The following CSTF1 variants were observed in gnomAD, a reference collection of about 807,000 sequenced individuals.
CSTF1 encodes CF-1 50 kDa subunit.
A neutral mutation model predicts 40.9 loss-of-function variants in CSTF1; 2 were observed. That is an observed-to-expected ratio of 0.05 (90% CI 0.02 to 0.15). CSTF1 has a LOEUF of 0.15. Ranked by LOEUF, CSTF1 falls within the 10% of genes least tolerant of loss-of-function variation. The probability of loss-of-function intolerance (pLI) is 1.00; values close to 1 mark genes in which losing one functional copy is unlikely to be tolerated. For missense variants in CSTF1, 279 were observed against 558.9 expected (o/e 0.50, Z 5.05); for synonymous variants, 218 against 207.2 (o/e 1.05, Z -0.45).
intron 5 of CSTF1, among the ~76,000 whole-genome samples, chr20:56,400,922 C>G (rs1422134328): frequency 2.0e-5 from 3 of 152,016 alleles, no homozygotes; most frequent in Non-Finnish European, 4.4e-5. Flanking sequence ...GCCTGTAGTC[C>G]CAGCTACTTG....
rs1978692967 is a variant in CSTF1, at chr20:56,406,090, A to G, written c.*2363A>G. On this transcript the variant is annotated 3_prime_UTR_variant, in exon 6 of 6. Transcript: ENST00000217109. ...AGATACTTTTATGTGTTTCAGAAGTAGCTGTTTTTTCATTTTTTGTGGGTT... is the reference window on the plus strand; with the variant it reads ...AGATACTTTTATGTGTTTCAGAAGTGGCTGTTTTTTCATTTTTTGTGGGTT... 6.7e-6 allele frequency: 1 copy of G among 149,936 alleles called. No individual in the cohort carries two copies. The highest frequency in any genetic ancestry group is 2.1e-4 in the South Asian group (1 of 4,796). 9.3% of individuals were successfully genotyped at this position (149,936 alleles called of 1,614,324 possible).
At position 56,405,351 on chromosome 20, in the gene CSTF1, C is replaced by T. The variant is rs531232463; in HGVS notation, c.*1624C>T. The T allele has an allele frequency of 2.0e-5, 3 of 152,298 alleles. No individual in the cohort carries two copies. Among genetic ancestry groups the T allele is most frequent in the South Asian group, 2.1e-4 (1 of 4,826 alleles). The allele number at this position is 152,298 out of a possible 1,614,324, so 9.4% of individuals were successfully genotyped here. A position where few individuals can be genotyped will look rare whatever the true frequency, so the allele number is the denominator to read the frequency against. ...GCTCCCGAGTAACTAGGATTACAGG[C>T]GTGCGCCACCATGCCCGGCTAATTT... On this transcript the variant is annotated 3_prime_UTR_variant, in exon 6 of 6. Transcript: ENST00000217109.
chr20:56,399,804 C>G lies in CSTF1; in HGVS notation c.1036+447C>G, dbSNP rs149623601. Among the ~76,000 whole-genome samples the G allele has an allele frequency of 6.6e-6, 1 of 152,186 alleles. No individual in the cohort carries two copies. The highest frequency in any genetic ancestry group is 1.9e-4 in the East Asian group (1 of 5,200). On this transcript the variant is annotated intron_variant, in intron 5 of 5. Transcript: ENST00000217109. The surrounding 1 kb of genome is among the most constrained non-coding windows in gnomAD (Gnocchi z 4.6). ...GAGCAGACCTAGCCCGCAAAGGAAA[C>G]CACGTTAATTCTGAATGCAGATATA...
At chr20:56,401,372 G>C (rs568467760) in intron 5 of CSTF1, among the ~76,000 whole-genome samples, 1 of 152,220 alleles carries the variant, frequency 6.6e-6, no homozygotes, top group East Asian at 1.9e-4. Flanking sequence ...ATGAATATGG[G>C]GACCTGGTTT....
At chr20:56,403,137 A>G (rs966425552) in intron 5 of CSTF1, among the ~76,000 whole-genome samples, 1 of 151,966 alleles carries the variant, frequency 6.6e-6, no homozygotes, top group Non-Finnish European at 1.5e-5. Context: ...GTACATTAGG[A>G]CAGTAACAGT....
In CSTF1 at chr20:56,397,974, G is replaced by C. The variant is rs1978319355; in HGVS notation, c.645+133G>C. On this transcript the variant is annotated intron_variant, in intron 4 of 5. Coordinates refer to ENST00000217109, the MANE Select transcript of CSTF1 (RefSeq NM_001324.3). This position sits in a 1 kb window ranked among gnomAD's most constrained non-coding sequence, Gnocchi z 4.4. ...TACAGACCAGGATGCATGCCCGATG[G>C]CACATGGATCAGATTTTGTTGGCAC... The C allele has an allele frequency of 1.4e-6, 1 of 696,570 alleles. No homozygotes were observed. The highest frequency in any genetic ancestry group is 2.7e-5 in the East Asian group (1 of 37,114). 43.1% of individuals were successfully genotyped at this position (696,570 alleles called of 1,614,324 possible). A position where few individuals can be genotyped will look rare whatever the true frequency, so the allele number is the denominator to read the frequency against.
intron 1 of CSTF1, among the ~76,000 whole-genome samples, chr20:56,393,487 A>T (rs1226129450): frequency 6.6e-6 from 1 of 152,108 alleles, no homozygotes; most frequent in East Asian, 1.9e-4. Flanking sequence ...GGTACTTAAG[A>T]ATCTCCCATT....
At position 56,395,034 on chromosome 20, in the gene CSTF1, A is replaced by C. The variant is rs147882988; in HGVS notation, c.-32-487A>C. ...TACAGTAACAAGCTCAGTTGCCTTA[A>C]AACAGGTTTTGAGAATGAGCATAAA... On this transcript the variant is annotated intron_variant, in intron 1 of 5. Coordinates refer to ENST00000217109, the MANE Select transcript of CSTF1 (RefSeq NM_001324.3). Among the ~76,000 whole-genome samples, 640 of 152,312 alleles carry C rather than the reference A, an allele frequency of 4.2e-3. 6 individuals carry two copies. The highest frequency in any genetic ancestry group is 0.015 in the African/African-American group (611 of 41,568).
rs1266797433 is a variant in CSTF1 at position 56,406,171 on chromosome 20, G to A, written c.*2444G>A. The A allele has an allele frequency of 6.6e-6, 1 of 151,996 alleles. No homozygotes were observed. The highest frequency in any genetic ancestry group is 1.5e-5 in the Non-Finnish European group (1 of 68,016). 9.4% of individuals were successfully genotyped at this position (151,996 alleles called of 1,614,324 possible). A position where few individuals can be genotyped will look rare whatever the true frequency, so the allele number is the denominator to read the frequency against. On this transcript the variant is annotated 3_prime_UTR_variant, in exon 6 of 6. Transcript: ENST00000217109. ...TTTTTGGTTTTTTTGCTTTTTAAAG[G>A]TCACAGTGTTGTGAGCCTGGTGTAA...
chr20:56,402,319 A>C (rs577763355), intron 5 of CSTF1, among the ~76,000 whole-genome samples: 35 of 151,990 alleles, frequency 2.3e-4, no homozygotes, highest in Admixed American at 1.8e-3. Context: ...AAAAAAAAAA[A>C]AAAGAGAGAA....
rs1433421097 is a variant in CSTF1 at position 56,404,988 on chromosome 20, A to G, written c.*1261A>G. 6.6e-6 allele frequency: 1 copy of G among 151,228 alleles called. No homozygotes were observed. Among genetic ancestry groups the G allele is most frequent in the Non-Finnish European group, 1.5e-5 (1 of 67,858 alleles). The allele number at this position is 151,228 out of a possible 1,614,324, so 9.4% of individuals were successfully genotyped here. ...CCTTCCTGAAGCTTTTTAGAACATGACAGTACTTCTCTGGATTCAGCACTA... is the reference window on the plus strand; with the variant it reads ...CCTTCCTGAAGCTTTTTAGAACATGGCAGTACTTCTCTGGATTCAGCACTA... On this transcript the variant is annotated 3_prime_UTR_variant, in exon 6 of 6. Transcript: ENST00000217109.
intron 1 of CSTF1, 121 bp from the exon 2 acceptor site, chr20:56,395,400 A>G (rs1227177999): frequency 3.4e-6 from 2 of 589,806 alleles, no homozygotes; most frequent in South Asian, 2.5e-5. Flanking sequence ...GACCAAAGAT[A>G]ATGCAGCTAG....
At chr20:56,403,195 G>A (rs1978542119) in intron 5 of CSTF1, among the ~76,000 whole-genome samples, 1 of 150,746 alleles carries the variant, frequency 6.6e-6, no homozygotes, top group Non-Finnish European at 1.5e-5. Context: ...TCCTGATGCA[G>A]TCTTGCTCTT....
chr20:56,393,131 T>TATACACAC (rs1555858061), intron 1 of CSTF1, among the ~76,000 whole-genome samples: 1 of 135,804 alleles, frequency 7.4e-6, no homozygotes, highest in African/African-American at 2.9e-5. Flanking sequence ...TATATATATA[T>TATACACAC]ACACACACAC....
Position 56,397,579 on chromosome 20 carries a change from T to C in CSTF1, c.448-65T>C. On this transcript the variant is annotated intron_variant, in intron 3 of 5. Coordinates refer to ENST00000217109, the MANE Select transcript of CSTF1 (RefSeq NM_001324.3). This position sits in a 1 kb window ranked among gnomAD's most constrained non-coding sequence, Gnocchi z 4.4. ...TGAAACCAGCTTTAGTTTGCTACAG[T>C]TGTGGATTGTGCACTTGGATTCAGA... 1 of 1,599,850 alleles carries C rather than the reference T, an allele frequency of 6.3e-7. No individual in the cohort carries two copies. Among genetic ancestry groups the C allele is most frequent in the Non-Finnish European group, 8.6e-7 (1 of 1,167,834 alleles).
chr20:56,398,876 AT>A (rs1252350387), intron 4 of CSTF1, 90 bp from the exon 5 acceptor site: 3 of 1,222,334 alleles, frequency 2.5e-6, no homozygotes, highest in Non-Finnish European at 3.4e-6. Flanking sequence ...TGTTTTATAG[AT>A]TCTTTTCATC....
At chr20:56,398,122 C>G (rs1978321337) in intron 4 of CSTF1, among the ~76,000 whole-genome samples, 1 of 152,146 alleles carries the variant, frequency 6.6e-6, no homozygotes, top group Admixed American at 6.5e-5. Context: ...ATAAACAAAA[C>G]ACGACCAGCT....
chr20:56,394,085 C>T (rs747715904), intron 1 of CSTF1, among the ~76,000 whole-genome samples: 3 of 152,168 alleles, frequency 2.0e-5, no homozygotes, highest in Non-Finnish European at 4.4e-5. Flanking sequence ...GAACCCATTT[C>T]ATCATCTTTA....
chr20:56,402,306 C>CA (rs768794348), intron 5 of CSTF1, among the ~76,000 whole-genome samples: 8,356 of 122,530 alleles, frequency 0.068, 694 homozygotes, highest in African/African-American at 0.22. Flanking sequence ...GACTCTATCT[C>CA]AAAAAAAAAA....
Sources: allele counts gnomAD v4.1 joint callset (sites outside exome capture counted in the v4.1 genomes callset), GRCh38; gene constraint gnomAD v4.1.1; non-coding constraint Gnocchi (gnomAD v3.1); transcripts MANE v1.5; gene names NCBI Gene and HGNC (gene_info 2026-07-23, HGNC 2026-07-21).